Variants in CYP4F11 observed in about 807,000 individuals in gnomAD.
The protein encoded by CYP4F11 is cytochrome P450 4F11.
Under a neutral mutation model 62.2 loss-of-function variants are expected in CYP4F11, and 79 were observed. The observed-to-expected ratio is 1.27, with a 90% CI of 1.06 to 1.53. The LOEUF is 1.53. Ranked by LOEUF, CYP4F11 falls within the 40% of genes most tolerant of loss-of-function variation. The pLI, the probability that CYP4F11 is intolerant of heterozygous loss-of-function variation, is 0.00. For synonymous variants in CYP4F11, 290 were observed against 263.7 expected (o/e 1.10, Z -0.97); for missense variants, 777 against 680.5 (o/e 1.14, Z -1.58).
At position 15,929,485 on chromosome 19, in the gene CYP4F11, G is replaced by A; in HGVS notation, c.315C>T (p.Asp105=). ...AGGCACTGGTGATAGGCCGGATAATGTCAGGGTGGCATAAAATGAGGAGGG... is the reference window on the plus strand; with the variant it reads ...AGGCACTGGTGATAGGCCGGATAATATCAGGGTGGCATAAAATGAGGAGGG... The part of the protein sequence containing the change: ...TFPLLILCHP[D]IIRPITSASA... The change falls in exon 2 of 12, where the codon GAC becomes GAT. Residue 105 remains aspartate, a synonymous_variant. Coordinates refer to ENST00000402119, the MANE Select transcript of CYP4F11 (RefSeq NM_021187.4). The A allele has an allele frequency of 1.2e-6, 2 of 1,614,116 alleles. No homozygotes were observed. Among genetic ancestry groups the A allele is most frequent in the Non-Finnish European group, 8.5e-7 (1 of 1,180,020 alleles).
At chr19:15,915,279 A>G (rs113221099) in intron 8 of CYP4F11, among the ~76,000 whole-genome samples, 13 of 152,352 alleles carry the variant, frequency 8.5e-5, no homozygotes, top group African/African-American at 2.9e-4. Flanking sequence ...ATAGTAGCAA[A>G]TGCAATTAGA....
intron 5 of CYP4F11, among the ~76,000 whole-genome samples, chr19:15,924,549 C>T (rs1482773826): frequency 6.6e-6 from 1 of 152,164 alleles, no homozygotes; most frequent in Non-Finnish European, 1.5e-5. Context: ...GCCACTTTTC[C>T]TGATTTTCAA....
chr19:15,931,538 GAGC>G (rs2089717259), intron 1 of CYP4F11, among the ~76,000 whole-genome samples: 1 of 103,844 alleles, frequency 9.6e-6, no homozygotes, highest in Non-Finnish European at 2.2e-5. Context: ...AGGAATGAGT[GAGC>G]GGGGAGAGGA....
In CYP4F11 at chr19:15,912,716, T is replaced by A. The variant is rs2089543102; in HGVS notation, c.*1016A>T. 1.2e-5 allele frequency: 1 copy of A among 84,358 alleles called. No homozygotes were observed. Among genetic ancestry groups the A allele is most frequent in the African/African-American group, 4.6e-5 (1 of 21,638 alleles). The allele number at this position is 84,358 out of a possible 1,614,324, so 5.2% of individuals were successfully genotyped here. A position where few individuals can be genotyped will look rare whatever the true frequency, so the allele number is the denominator to read the frequency against. Reference sequence around the variant, plus strand: ...ATATATATGTGTGTGTGTGTGTGTGTGTGTGTGTGTGTGTGTGTATATGTA... The same window carrying A: ...ATATATATGTGTGTGTGTGTGTGTGAGTGTGTGTGTGTGTGTGTATATGTA... On this transcript the variant is annotated 3_prime_UTR_variant, in exon 12 of 12. Coordinates refer to ENST00000402119, the MANE Select transcript of CYP4F11 (RefSeq NM_021187.4).
Position 15,927,198 on chromosome 19 carries a change from T to C in CYP4F11, c.525+14A>G, listed in dbSNP as rs2089675334. 1.2e-6 allele frequency: 2 copies of C among 1,611,752 alleles called. No individual in the cohort carries two copies. Among genetic ancestry groups the C allele is most frequent in the Non-Finnish European group, 1.7e-6 (2 of 1,178,766 alleles). Reference sequence around the variant, plus strand: ...CCAAGGCTCCAGCTGGGACCCAGAGTTCAAGGGACTCACGTGCATGATGTT... The same window carrying C: ...CCAAGGCTCCAGCTGGGACCCAGAGCTCAAGGGACTCACGTGCATGATGTT... On this transcript the variant is annotated intron_variant, in intron 4 of 11. Transcript: ENST00000402119.
At position 15,934,501 on chromosome 19, in the gene CYP4F11, A is replaced by G. The variant is rs2089762392; in HGVS notation, c.-93T>C. 10 of 1,443,448 alleles carry G rather than the reference A, an allele frequency of 6.9e-6. No individual in the cohort carries two copies. In the Admixed American group the frequency reaches 2.2e-4, roughly 32 times the overall value. 89.4% of individuals were successfully genotyped at this position (1,443,448 alleles called of 1,614,324 possible). ...ACAGTGGAAAGGGGCAAGGATGGGCAGTGCTGGAGGCAGATCAGGGAAGGC... is the reference window on the plus strand; with the variant it reads ...ACAGTGGAAAGGGGCAAGGATGGGCGGTGCTGGAGGCAGATCAGGGAAGGC... On this transcript the variant is annotated 5_prime_UTR_variant, in exon 1 of 12. Coordinates refer to ENST00000402119, the MANE Select transcript of CYP4F11 (RefSeq NM_021187.4).
At position 15,925,010 on chromosome 19, in the gene CYP4F11, G is replaced by A. The variant is rs540147368; in HGVS notation, c.526-128C>T. ...CTCTGCCCCAGGTACCCATCCCCAGGAAGGACCAGCCTTGGATAGGAGCAG... is the reference window on the plus strand; with the variant it reads ...CTCTGCCCCAGGTACCCATCCCCAGAAAGGACCAGCCTTGGATAGGAGCAG... On this transcript the variant is annotated intron_variant, in intron 4 of 11. Transcript: ENST00000402119. 7 of 1,085,838 alleles carry A rather than the reference G, an allele frequency of 6.4e-6. No homozygotes were observed. In the South Asian group the frequency reaches 1.2e-4, roughly 19 times the overall value. The allele number at this position is 1,085,838 out of a possible 1,614,324, so 67.3% of individuals were successfully genotyped here. A position where few individuals can be genotyped will look rare whatever the true frequency, so the allele number is the denominator to read the frequency against.
chr19:15,931,633 T>C (rs1343679662), intron 1 of CYP4F11, among the ~76,000 whole-genome samples: 11 of 60,398 alleles, frequency 1.8e-4, no homozygotes, highest in East Asian at 5.4e-4. Context: ...AGGAGAGGAA[T>C]GAGTGAGCGA....
intron 8 of CYP4F11, among the ~76,000 whole-genome samples, chr19:15,917,981 G>A (rs113054561): frequency 0.14 from 20,862 of 152,118 alleles, 1,605 homozygotes; most frequent in South Asian, 0.28. Context: ...AAAGATATAT[G>A]CATGCATATG....
Position 15,912,668 on chromosome 19 carries a change from G to GAAAAAACGA in CYP4F11, c.*1063_*1064insTCGTTTTTT, listed in dbSNP as rs2089539310. On this transcript the variant is annotated 3_prime_UTR_variant, in exon 12 of 12. Transcript: ENST00000402119. ...AGTCAGGTACCTTCACCATCCTCAG[G>GAAAAAACGA]AAAAAAAAAAAAATATATATATATA... The GAAAAAACGA allele has an allele frequency of 1.7e-5, 1 of 59,796 alleles. No individual in the cohort carries two copies. The highest frequency in any genetic ancestry group is 3.1e-5 in the Non-Finnish European group (1 of 32,254). The allele number at this position is 59,796 out of a possible 1,614,324, so 3.7% of individuals were successfully genotyped here.
In CYP4F11 at chr19:15,934,373, C is replaced by A. The variant is rs576748542; in HGVS notation, c.36G>T (p.Gly12=). 16 of 1,613,270 alleles carry A rather than the reference C, an allele frequency of 9.9e-6. No homozygotes were observed. The African/African-American group carries it at 2.1e-4, about 22-fold the overall frequency. ...PQLSLSWLGL[G]PVAASPWLLL... is the part of the protein sequence containing the mutation. ...GCAGCCACGGGGATGCTGCCACGGGCCCGAGGCCCAGCCAGGACAGGCTCA... is the reference window on the plus strand; with the variant it reads ...GCAGCCACGGGGATGCTGCCACGGGACCGAGGCCCAGCCAGGACAGGCTCA... Residue 12 remains glycine (G), a synonymous_variant, in exon 1 of 12, where the codon GGG becomes GGT. Coordinates refer to ENST00000402119, the MANE Select transcript of CYP4F11 (RefSeq NM_021187.4).
chr19:15,923,238 C>CCTCTCTCTCT (rs3056063), intron 6 of CYP4F11, among the ~76,000 whole-genome samples: 3,927 of 110,302 alleles, frequency 0.036, 102 homozygotes, highest in Non-Finnish European at 0.047. Context: ...AAGCAAACAT[C>CCTCTCTCTCT]CTCTCTCTCT....
intron 8 of CYP4F11, among the ~76,000 whole-genome samples, chr19:15,919,079 T>C (rs1229102395): frequency 6.7e-6 from 1 of 149,690 alleles, no homozygotes; most frequent in Non-Finnish European, 1.5e-5. Context: ...TATACACATT[T>C]CATTGACTCC....
intron 1 of CYP4F11, 31 bp downstream of exon 1, chr19:15,934,180 G>C (rs775929719): frequency 6.2e-7 from 1 of 1,609,150 alleles, no homozygotes; most frequent in Non-Finnish European, 8.5e-7. Flanking sequence ...TGCATCCTGA[G>C]ACCCCAGACC....
intron 1 of CYP4F11, among the ~76,000 whole-genome samples, chr19:15,930,052 T>TCA (rs1253150985): frequency 2.0e-4 from 22 of 110,562 alleles, no homozygotes; most frequent in Non-Finnish European, 4.0e-4. Context: ...ACTCTCTCTC[T>TCA]CACGCTCTCT....
chr19:15,912,680 A>C lies in CYP4F11; in HGVS notation c.*1052T>G, dbSNP rs200836963. On this transcript the variant is annotated 3_prime_UTR_variant, in exon 12 of 12. Transcript: ENST00000402119. ...TCACCATCCTCAGGAAAAAAAAAAA[A>C]ATATATATATATATATATGTGTGTG... 1 of 66,174 alleles carries C rather than the reference A, an allele frequency of 1.5e-5. No homozygotes were observed. The highest frequency in any genetic ancestry group is 2.8e-5 in the Non-Finnish European group (1 of 36,174). 4.1% of individuals were successfully genotyped at this position (66,174 alleles called of 1,614,324 possible).
intron 1 of CYP4F11, among the ~76,000 whole-genome samples, 159 bp downstream of exon 1, chr19:15,934,052 A>G (rs113698370): frequency 1.9e-4 from 19 of 98,830 alleles, no homozygotes; most frequent in East Asian, 3.0e-4. Flanking sequence ...GGGGAGAGGA[A>G]TGAGTGAGTG....
intron 2 of CYP4F11, among the ~76,000 whole-genome samples, chr19:15,929,198 G>C (rs1298373524): frequency 6.6e-6 from 1 of 152,172 alleles, no homozygotes; most frequent in Non-Finnish European, 1.5e-5. Flanking sequence ...GGGCTTTCTC[G>C]AGGACAGGGC....
At position 15,924,893 on chromosome 19, in the gene CYP4F11, A is replaced by G; in HGVS notation, c.526-11T>C. 19 of 1,604,852 alleles carry G rather than the reference A, an allele frequency of 1.2e-5. No homozygotes were observed. Among genetic ancestry groups the G allele is most frequent in the Non-Finnish European group, 1.5e-5 (18 of 1,175,318 alleles). On this transcript the variant is annotated splice_polypyrimidine_tract_variant and intron_variant, in intron 4 of 11. Transcript: ENST00000402119. ...GCGCTGCCACTTGTCCTGGCCAGAG[A>G]AAAAACAGAGCCAAAGCTGGGAACT... is the stretch of plus-strand genomic sequence containing the variant.
Sources: allele counts gnomAD v4.1 joint callset (sites outside exome capture counted in the v4.1 genomes callset), GRCh38; gene constraint gnomAD v4.1.1; transcripts MANE v1.5; gene names NCBI Gene and HGNC (gene_info 2026-07-23, HGNC 2026-07-21).